The following RARB variants were observed in gnomAD, a reference collection of about 807,000 sequenced individuals.
The protein encoded by RARB is HBV-activated protein.
A neutral mutation model predicts 51.9 loss-of-function variants in RARB; 17 were observed. That is an observed-to-expected ratio of 0.33 (90% CI 0.22 to 0.49). RARB has a LOEUF of 0.49. RARB is among the 20% of genes least tolerant of loss of function. The pLI, the probability that RARB is intolerant of heterozygous loss-of-function variation, is 0.99. For missense variants in RARB, 369 were observed against 550.8 expected, an observed-to-expected ratio of 0.67 and a Z score of 3.30; for synonymous variants, 215 against 195.4, an observed-to-expected ratio of 1.10 and a Z score of -0.84.
intron 3 of RARB, among the ~76,000 whole-genome samples, chr3:25,529,379 GA>G (rs1698798020): frequency 6.6e-6 from 1 of 151,828 alleles, no homozygotes; most frequent in Non-Finnish European, 1.5e-5. Context: ...TTGTATAGTA[GA>G]AAAACATGGA....
chr3:25,478,153 C>T (rs984294743), intron 2 of RARB, among the ~76,000 whole-genome samples: 1 of 152,154 alleles, frequency 6.6e-6, no homozygotes, highest in Non-Finnish European at 1.5e-5. Context: ...TATTCCCTAG[C>T]CTTGCAAGTC....
intron 2 of RARB, among the ~76,000 whole-genome samples, chr3:25,484,637 G>C (rs1230866349): frequency 1.3e-5 from 2 of 151,624 alleles, no homozygotes; most frequent in Non-Finnish European, 1.5e-5. Context: ...TGTTTATAAA[G>C]TTTTCTTGGT....
intron 5 of RARB, among the ~76,000 whole-genome samples, chr3:25,235,501 T>C (rs1702281887): frequency 6.6e-6 from 1 of 152,284 alleles, no homozygotes. Flanking sequence ...CTCAGCAAAG[T>C]TGAAAGGTGT....
chr3:25,435,656 T>C (rs1427280989), intron 1 of RARB, among the ~76,000 whole-genome samples: 1 of 152,220 alleles, frequency 6.6e-6, no homozygotes, highest in East Asian at 1.9e-4. Flanking sequence ...AACATAATTA[T>C]TTCATTATGG....
At chr3:25,384,788 C>G (rs1483844) in intron 5 of RARB, among the ~76,000 whole-genome samples, 69,867 of 152,074 alleles carry the variant, frequency 0.46, 16,557 homozygotes, top group East Asian at 0.73. Context: ...GACAGTCCAA[C>G]CTTCTTTATG....
At chr3:25,058,140 A>G (rs964698696) in intron 2 of RARB, among the ~76,000 whole-genome samples, 2 of 151,960 alleles carry the variant, frequency 1.3e-5, no homozygotes, top group Non-Finnish European at 2.9e-5. Flanking sequence ...TTTGGAGTTC[A>G]AAGTTGTGAT....
chr3:25,518,465 C>T (rs1379806286), intron 3 of RARB, among the ~76,000 whole-genome samples: 3 of 151,364 alleles, frequency 2.0e-5, no homozygotes, highest in Non-Finnish European at 4.4e-5. Flanking sequence ...TGACATTTTT[C>T]GTTGCTCTTC....
intron 1 of RARB, among the ~76,000 whole-genome samples, chr3:24,843,690 C>A (rs1702448079): frequency 6.6e-6 from 1 of 152,066 alleles, no homozygotes; most frequent in African/African-American, 2.4e-5. Flanking sequence ...ATTTGGGAGC[C>A]CATCAGGAAT....
intron 2 of RARB, among the ~76,000 whole-genome samples, chr3:25,487,017 A>G (rs1356087918): frequency 6.6e-6 from 1 of 152,086 alleles, no homozygotes; most frequent in African/African-American, 2.4e-5. Flanking sequence ...AGACTTGGAG[A>G]GGAGAGAGAG....
chr3:25,580,459 C>T (rs1263886199), intron 4 of RARB, 87 bp from the exon 5 acceptor site: 4 of 1,271,252 alleles, frequency 3.1e-6, no homozygotes, highest in Admixed American at 4.4e-5. Flanking sequence ...GACATGTCAC[C>T]CCCTCTAATT....
chr3:24,954,478 A>T (rs1316044855), intron 2 of RARB, among the ~76,000 whole-genome samples: 1 of 152,214 alleles, frequency 6.6e-6, no homozygotes, highest in Non-Finnish European at 1.5e-5. Context: ...CTTTAGAAAA[A>T]GTATAGAATA....
intron 4 of RARB, among the ~76,000 whole-genome samples, chr3:25,163,419 T>G (rs890481224): frequency 6.6e-6 from 1 of 150,576 alleles, no homozygotes; most frequent in Non-Finnish European, 1.5e-5. Flanking sequence ...GCAGGAGGAT[T>G]GCTTGAGCCT....
chr3:25,479,337 G>T (rs1284553665), intron 2 of RARB, among the ~76,000 whole-genome samples: 1 of 152,170 alleles, frequency 6.6e-6, no homozygotes, highest in Non-Finnish European at 1.5e-5. Flanking sequence ...CTTACTCTAT[G>T]TTAAATGGCT....
intron 5 of RARB, among the ~76,000 whole-genome samples, chr3:25,228,145 T>C (rs1278080956): frequency 6.6e-6 from 1 of 151,656 alleles, no homozygotes; most frequent in Non-Finnish European, 1.5e-5. Context: ...GAATAATAGC[T>C]GAGCCATTTG....
intron 4 of RARB, among the ~76,000 whole-genome samples, chr3:25,170,385 G>A (rs961462707): frequency 2.6e-5 from 4 of 151,980 alleles, no homozygotes; most frequent in Non-Finnish European, 4.4e-5. Flanking sequence ...TCCTCTGGAG[G>A]GCTTGTTAGA....
intron 4 of RARB, among the ~76,000 whole-genome samples, chr3:25,166,662 G>A (rs1361447563): frequency 6.6e-6 from 1 of 152,140 alleles, no homozygotes; most frequent in East Asian, 1.9e-4. Context: ...TGCAGCCAGA[G>A]GAAATGGATA....
intron 5 of RARB, among the ~76,000 whole-genome samples, chr3:25,351,673 T>C (rs1014090761): frequency 1.3e-5 from 2 of 152,170 alleles, no homozygotes; most frequent in African/African-American, 2.4e-5. Flanking sequence ...TGAAAAAGCA[T>C]TTTAAATATT....
At chr3:25,432,212 AAAG>A (rs1417033637) in intron 1 of RARB, among the ~76,000 whole-genome samples, 1 of 152,192 alleles carries the variant, frequency 6.6e-6, no homozygotes, top group Non-Finnish European at 1.5e-5. Flanking sequence ...TTGTAGAAAA[AAAG>A]AAATCATATT....
intron 3 of RARB, among the ~76,000 whole-genome samples, chr3:25,126,643 G>T (rs1213252433): frequency 6.6e-6 from 1 of 152,134 alleles, no homozygotes; most frequent in Non-Finnish European, 1.5e-5. Flanking sequence ...AGGTGATGCA[G>T]TGCTGCTGGC....
Sources: gnomAD v4.1 joint callset for allele counts (sites outside exome capture counted in the v4.1 genomes callset) on GRCh38, gnomAD v4.1.1 for gene constraint, MANE v1.5 for transcripts, NCBI Gene and HGNC (gene_info 2026-07-23, HGNC 2026-07-21) for gene names.